FANCA: variants seen among roughly 807,000 people sequenced by gnomAD.
FANCA encodes FA complementation group A.
A neutral mutation model predicts 194.3 loss-of-function variants in FANCA; 236 were observed. That is an observed-to-expected ratio of 1.21 (90% CI 1.09 to 1.35). The LOEUF (loss-of-function observed/expected upper bound fraction) is 1.35, where lower values mean the gene tolerates loss of function less well. FANCA is among the 40% of genes most tolerant of loss of function. The probability of loss-of-function intolerance (pLI) is 0.00; values close to 1 mark genes in which losing one functional copy is unlikely to be tolerated. For missense variants in FANCA, 2,628 were observed against 1,813.9 expected, an observed-to-expected ratio of 1.45 and a Z score of -8.15; for synonymous variants, 1,014 against 715.8, an observed-to-expected ratio of 1.42 and a Z score of -6.65.
In FANCA at chr16:89,746,660, C is replaced by G. The variant is rs199589419; in HGVS notation, c.3437G>C (p.Arg1146Thr). ...GAAGTCGACCATCAGGGAGGGGTCTCTGCTCCGCAGACAGGCGTTCAGGAG... is the reference window on the plus strand; with the variant it reads ...GAAGTCGACCATCAGGGAGGGGTCTGTGCTCCGCAGACAGGCGTTCAGGAG... Reference protein sequence around the residue: ...RGLLNACLRSRDPSLMVDFIL... With the variant: ...RGLLNACLRSTDPSLMVDFIL... Residue 1146 changes from arginine (R) to threonine (T), a missense_variant, in exon 35 of 43, where the codon AGA becomes ACA. Physicochemically the swap from Arg to Thr is moderately conservative, Grantham distance 71 (BLOSUM62 -1). Coordinates refer to ENST00000389301, the MANE Select transcript of FANCA (RefSeq NM_000135.4). 6.2e-6 allele frequency: 10 copies of G among 1,614,180 alleles called. No individual in the cohort carries two copies. Among genetic ancestry groups the G allele is most frequent in the East Asian group, 4.5e-5 (2 of 44,880 alleles).
intron 33 of FANCA, among the ~76,000 whole-genome samples, chr16:89,747,835 G>A (rs1311964161): frequency 6.6e-6 from 1 of 152,318 alleles, no homozygotes; most frequent in Admixed American, 6.5e-5. Context: ...GCTGCTCTCT[G>A]TAGAGTGGGA....
Position 89,799,616 on chromosome 16 carries a change from C to A in FANCA, c.815G>T (p.Arg272Ile), listed in dbSNP as rs995966978. 1.9e-6 allele frequency: 3 copies of A among 1,613,638 alleles called. No individual in the cohort carries two copies. Among genetic ancestry groups the A allele is most frequent in the African/African-American group, 2.7e-5 (2 of 74,906 alleles). Residue 272 changes from arginine to isoleucine, a missense_variant, in exon 9 of 43, where the codon AGA becomes ATA. Coordinates refer to ENST00000389301, the MANE Select transcript of FANCA (RefSeq NM_000135.4). ...MPQVTVDVLQ[R>I]MLIFALDALA... ...TGCAATTAACTTACAAATCAGCATT[C>A]TCTGCAGTACATCAACCGTGACCTG...
chr16:89,791,697 C>G, intron 13 of FANCA, 161 bp from the exon 14 acceptor site: 1 of 1,081,400 alleles, frequency 9.2e-7, no homozygotes, highest in Non-Finnish European at 1.4e-6. Flanking sequence ...CAAGTGCAAA[C>G]CACTAGAGAC....
intron 28 of FANCA, among the ~76,000 whole-genome samples, chr16:89,762,308 A>C (rs1046606383): frequency 6.6e-6 from 1 of 152,200 alleles, no homozygotes; most frequent in South Asian, 2.1e-4. Flanking sequence ...CTCATTTAAA[A>C]ATTACCTGGG....
chr16:89,809,961 C>T lies in FANCA; in HGVS notation c.522+746G>A, dbSNP rs569782700. Among the ~76,000 whole-genome samples, 29 of 151,680 alleles carry T rather than the reference C, an allele frequency of 1.9e-4. No individual in the cohort carries two copies. The East Asian group carries it at 2.3e-3, about 12-fold the overall frequency. ...CAATCGCTTGAACCTGGGAGGCAGACGTTGCAGTGAGCCAAGATTGCGCCA... is the reference window on the plus strand; with the variant it reads ...CAATCGCTTGAACCTGGGAGGCAGATGTTGCAGTGAGCCAAGATTGCGCCA... On this transcript the variant is annotated intron_variant, in intron 5 of 42. Transcript: ENST00000389301.
chr16:89,801,934 C>A (rs994618552), intron 8 of FANCA, among the ~76,000 whole-genome samples: 3 of 152,062 alleles, frequency 2.0e-5, no homozygotes, highest in East Asian at 1.9e-4. Context: ...GCCATATGAT[C>A]CAGCAATCCC....
intron 30 of FANCA, among the ~76,000 whole-genome samples, chr16:89,756,854 C>T (rs969441008): frequency 2.6e-5 from 4 of 152,116 alleles, no homozygotes; most frequent in Admixed American, 6.6e-5. Context: ...CCTAGAGAGA[C>T]GATGCATCCC....
chr16:89,767,278 A>T (rs1482068159), intron 26 of FANCA, 41 bp from the exon 27 acceptor site: 1 of 1,374,884 alleles, frequency 7.3e-7, no homozygotes, highest in South Asian at 1.2e-5. Context: ...AATCCATACA[A>T]AATAAGGGAT....
chr16:89,781,813 C>T (rs933231393), intron 17 of FANCA, among the ~76,000 whole-genome samples: 1 of 150,616 alleles, frequency 6.6e-6, no homozygotes, highest in Non-Finnish European at 1.5e-5. Context: ...TACTGGCTAA[C>T]GTGGTGAAAC....
At chr16:89,745,769 G>A (rs71396958) in intron 35 of FANCA, among the ~76,000 whole-genome samples, 6 of 139,676 alleles carry the variant, frequency 4.3e-5, no homozygotes, top group South Asian at 2.4e-4. Context: ...AGCTGGGAAC[G>A]AAACAGTGAA....
chr16:89,814,655 G>C (rs1201564262), intron 2 of FANCA, 42 bp from the exon 3 acceptor site: 3 of 1,488,704 alleles, frequency 2.0e-6, no homozygotes, highest in African/African-American at 2.8e-5. Context: ...AAAAATTCAA[G>C]CTCCAGGCCA....
intron 39 of FANCA, 169 bp from the exon 40 acceptor site, chr16:89,739,722 G>A (rs1269709107): frequency 2.1e-5 from 31 of 1,504,186 alleles, no homozygotes; most frequent in African/African-American, 4.1e-5. Flanking sequence ...GCAGCTGGGA[G>A]AGGATGGGGG....
chr16:89,803,431 G>A (rs1382140750), intron 7 of FANCA, 90 bp from the exon 8 acceptor site: 4 of 1,202,206 alleles, frequency 3.3e-6, no homozygotes, highest in East Asian at 4.7e-5. Context: ...AGAGGGGCGG[G>A]TGAGCATATG....
chr16:89,775,726 C>T lies in FANCA; in HGVS notation c.1900+16G>A, dbSNP rs757981356. On this transcript the variant is annotated intron_variant, in intron 21 of 42. Transcript: ENST00000389301. ...AAGCACAAGTCCCAGAGTGGACAAG[C>T]GGCCCAGGAACTTACCTTCTGGCTT... 23 of 1,603,456 alleles carry T rather than the reference C, an allele frequency of 1.4e-5. No individual in the cohort carries two copies. Among genetic ancestry groups the T allele is most frequent in the East Asian group, 1.3e-4 (6 of 44,764 alleles).
At chr16:89,787,432 A>T (rs1196109166) in intron 14 of FANCA, among the ~76,000 whole-genome samples, 1 of 152,140 alleles carries the variant, frequency 6.6e-6, no homozygotes, top group African/African-American at 2.4e-5. Context: ...CTGTGGCAGG[A>T]GAATGGCGTG....
chr16:89,802,076 G>A (rs370187815), intron 8 of FANCA, among the ~76,000 whole-genome samples: 32 of 152,180 alleles, frequency 2.1e-4, no homozygotes, highest in African/African-American at 7.5e-4. Flanking sequence ...AGAGATGACC[G>A]GATACAGAAA....
chr16:89,794,565 T>A (rs1049832196), intron 11 of FANCA, among the ~76,000 whole-genome samples: 1 of 151,894 alleles, frequency 6.6e-6, no homozygotes, highest in South Asian at 2.1e-4. Context: ...TAAAATAAGA[T>A]AAACTGGGAA....
At chr16:89,801,887 C>G (rs2040467757) in intron 8 of FANCA, among the ~76,000 whole-genome samples, 1 of 149,702 alleles carries the variant, frequency 6.7e-6, no homozygotes, top group South Asian at 2.1e-4. Context: ...GACACCGTCT[C>G]AAAAAAACAC....
At position 89,791,597 on chromosome 16, in the gene FANCA, G is replaced by C; in HGVS notation, c.1226-61C>G. On this transcript the variant is annotated intron_variant, in intron 13 of 42. Transcript: ENST00000389301. ...AGGGCAGCCAGCAGGAACATGACGT[G>C]AGTTATGCTGGGTGATCAAGTATTC... The C allele has an allele frequency of 2.5e-6, 4 of 1,604,948 alleles. No homozygotes were observed. The South Asian group carries it at 4.4e-5, about 18-fold the overall frequency.
Sources: allele counts gnomAD v4.1 joint callset (sites outside exome capture counted in the v4.1 genomes callset), GRCh38; gene constraint gnomAD v4.1.1; transcripts MANE v1.5; gene names NCBI Gene and HGNC (gene_info 2026-07-23, HGNC 2026-07-21).